The following VCAM1 variants were observed in gnomAD, a reference collection of about 807,000 sequenced individuals.
VCAM1 encodes the protein vascular cell adhesion protein 1.
VCAM1 carries 41 observed loss-of-function variants against 63.8 expected under a neutral mutation model. That is an observed-to-expected ratio of 0.64 (90% CI 0.50 to 0.83). VCAM1 has a LOEUF of 0.83. Among genes scored for constraint, VCAM1 ranks in the 40% least tolerant of loss-of-function variants. VCAM1 has a pLI of 0.00. For synonymous variants in VCAM1, 338 were observed against 320.7 expected (o/e 1.05, Z -0.58); for missense variants, 798 against 875.5 (o/e 0.91, Z 1.12).
chr1:100,728,837 CT>C (rs1660276798), intron 4 of VCAM1, among the ~76,000 whole-genome samples: 1 of 151,752 alleles, frequency 6.6e-6, no homozygotes, highest in Non-Finnish European at 1.5e-5. Flanking sequence ...AGCAGATACT[CT>C]ATTATTGCTG....
rs1660587685 is a variant in VCAM1, at chr1:100,734,684, C to G, written c.1975C>G (p.Gln659Glu). 3 of 1,613,816 alleles carry G rather than the reference C, an allele frequency of 1.9e-6. No homozygotes were observed. The highest frequency in any genetic ancestry group is 1.7e-5 in the Admixed American group (1 of 59,970). Residue 659 changes from glutamine (Q) to glutamate (E), a missense_variant, in exon 8 of 9, where the codon CAG (glutamine) becomes GAG (glutamate). Transcript: ENST00000294728. Reference protein sequence around the residue: ...IDGAYTIRKAQLKDAGVYECE... With the variant: ...IDGAYTIRKAELKDAGVYECE... ...TGGCGCCTATACCATCCGAAAGGCC[C>G]AGTTGAAGGATGCGGGAGTATATGA...
At chr1:100,725,401 T>A (rs959763515) in intron 4 of VCAM1, among the ~76,000 whole-genome samples, 4 of 152,028 alleles carry the variant, frequency 2.6e-5, no homozygotes, top group Non-Finnish European at 5.9e-5. Flanking sequence ...TATTCTTACA[T>A]AACAGCATTC....
At position 100,731,199 on chromosome 1, in the gene VCAM1, A is replaced by T. The variant is rs763958436; in HGVS notation, c.1206A>T (p.Ser402=). ...LEKGIQVELY[S]FPRDPEIEMS... is the part of the protein sequence containing the mutation. ...ATCGTTTTTGCTTGCGATTTGCAGC[A>T]TTCCCTAGAGATCCAGAAATCGAGA... The change falls in exon 6 of 9, where the codon TCA becomes TCT. Residue 402 remains serine (S), a splice_region_variant and synonymous_variant. Transcript: ENST00000294728. The surrounding 1 kb of genome is among the most constrained non-coding windows in gnomAD (Gnocchi z 4.2). 7.5e-6 allele frequency: 12 copies of T among 1,592,472 alleles called. No individual in the cohort carries two copies. The highest frequency in any genetic ancestry group is 1.0e-5 in the Non-Finnish European group (12 of 1,170,542).
intron 4 of VCAM1, among the ~76,000 whole-genome samples, chr1:100,726,616 T>C (rs3917037): frequency 0.031 from 4,688 of 152,160 alleles, 237 homozygotes; most frequent in African/African-American, 0.11. Context: ...ATATTCTTTC[T>C]TTCGTGTACA....
chr1:100,729,651 C>T (rs559886470), intron 5 of VCAM1, among the ~76,000 whole-genome samples: 4 of 152,186 alleles, frequency 2.6e-5, no homozygotes, highest in African/African-American at 9.6e-5. Context: ...ACACTCCATG[C>T]TGGAGGTGAG....
chr1:100,725,118 C>CT (rs1034067353), intron 4 of VCAM1, among the ~76,000 whole-genome samples: 12 of 152,044 alleles, frequency 7.9e-5, no homozygotes, highest in Non-Finnish European at 1.3e-4. Context: ...TCTCATATCA[C>CT]TTTTTCTCTG....
chr1:100,720,617 G>C lies in VCAM1; in HGVS notation c.206G>C (p.Gly69Ala). ...WRTQIDSPLN[G>A]KVTNEGTTST... ...ACCCAGATAGATAGTCCACTGAATG[G>C]GAAGGTGACGAATGAGGGGACCACA... The change falls in exon 2 of 9, where the codon GGG becomes GCG. Residue 69 changes from glycine (G) to alanine (A), a missense_variant. Transcript: ENST00000294728. 1 of 1,613,212 alleles carries C rather than the reference G, an allele frequency of 6.2e-7. No individual in the cohort carries two copies. The highest frequency in any genetic ancestry group is 8.5e-7 in the Non-Finnish European group (1 of 1,179,534).
intron 3 of VCAM1, 80 bp downstream of exon 3, chr1:100,723,420 T>C (rs1444225212): frequency 8.9e-7 from 1 of 1,122,992 alleles, no homozygotes. Flanking sequence ...AGCAGAAAAG[T>C]AAAAAAAAAA....
rs1571463508 is a variant in VCAM1, at chr1:100,736,690, A to C, written c.2060-1433A>C. On this transcript the variant is annotated intron_variant, in intron 8 of 8. Coordinates refer to ENST00000294728, the MANE Select transcript of VCAM1 (RefSeq NM_001078.4). Reference sequence around the variant, plus strand: ...AATCATGTTGATGGACATCCCATTCAAATATTACCTTTATACTTTGACTAG... The same window carrying C: ...AATCATGTTGATGGACATCCCATTCCAATATTACCTTTATACTTTGACTAG... The C allele has an allele frequency of 2.6e-5, 4 of 152,266 alleles. No individual in the cohort carries two copies. The South Asian group carries it at 8.3e-4, about 32-fold the overall frequency. 9.4% of individuals were successfully genotyped at this position (152,266 alleles called of 1,614,324 possible). A position where few individuals can be genotyped will look rare whatever the true frequency, so the allele number is the denominator to read the frequency against.
At chr1:100,724,916 A>G in intron 4 of VCAM1, 26 bp downstream of exon 4, 2 of 1,606,822 alleles carry the variant, frequency 1.2e-6, no homozygotes. Context: ...AAAAGGAATG[A>G]TAAAGGTGCT....
chr1:100,723,315 G>C lies in VCAM1; in HGVS notation c.636G>C (p.Gln212His). Residue 212 changes from glutamine to histidine, a missense_variant, in exon 3 of 9, where the codon CAG (glutamine) becomes CAC (histidine). Physicochemically the swap from Gln to His is conservative, Grantham distance 24 (BLOSUM62 0). Transcript: ENST00000294728. ...DEMDSVPTVR[Q>H]AVKELQVYIS... ...TGGATTCTGTGCCCACAGTAAGGCAGGCTGTAAAAGAATTGCAAGTCTACA... is the reference window on the plus strand; with the variant it reads ...TGGATTCTGTGCCCACAGTAAGGCACGCTGTAAAAGAATTGCAAGTCTACA... 1 of 1,612,538 alleles carries C rather than the reference G, an allele frequency of 6.2e-7. No homozygotes were observed. The highest frequency in any genetic ancestry group is 8.5e-7 in the Non-Finnish European group (1 of 1,179,016).
Position 100,719,874 on chromosome 1 carries a change from T to A in VCAM1, c.14T>A (p.Met5Lys). ...CAGCAACTTAAAATGCCTGGGAAGATGGTCGTGATCCTTGGAGCCTCAAAT... is the reference window on the plus strand; with the variant it reads ...CAGCAACTTAAAATGCCTGGGAAGAAGGTCGTGATCCTTGGAGCCTCAAAT... Reference protein sequence around the residue: MPGKMVVILGASNIL... With the variant: MPGKKVVILGASNIL... Residue 5 changes from methionine to lysine, a missense_variant, in exon 1 of 9, where the codon ATG becomes AAG. Met to Lys is a moderately conservative substitution (Grantham distance 95). Transcript: ENST00000294728. The A allele has an allele frequency of 6.2e-7, 1 of 1,611,660 alleles. No individual in the cohort carries two copies. Among genetic ancestry groups the A allele is most frequent in the Non-Finnish European group, 8.5e-7 (1 of 1,178,370 alleles).
intron 7 of VCAM1, 40 bp from the exon 8 acceptor site, chr1:100,734,462 T>C (rs1660579657): frequency 6.3e-7 from 1 of 1,581,768 alleles, no homozygotes; most frequent in African/African-American, 1.4e-5. Flanking sequence ...TTGGTTTATA[T>C]TTCACTCAAT....
chr1:100,730,346 G>C (rs3917056), intron 5 of VCAM1, among the ~76,000 whole-genome samples: 3,577 of 152,018 alleles, frequency 0.024, 146 homozygotes, highest in African/African-American at 0.082. Flanking sequence ...CCAGCAGTGG[G>C]GTCTTATTGC....
chr1:100,732,090 C>T (rs1571460520), intron 6 of VCAM1, among the ~76,000 whole-genome samples: 2 of 152,164 alleles, frequency 1.3e-5, no homozygotes, highest in Non-Finnish European at 2.9e-5. Flanking sequence ...CACATCTTTT[C>T]ACAGAAGGAG....
At chr1:100,722,469 G>T (rs776790891) in intron 2 of VCAM1, among the ~76,000 whole-genome samples, 5 of 152,062 alleles carry the variant, frequency 3.3e-5, no homozygotes, top group Admixed American at 2.0e-4. Context: ...GTCATTATCT[G>T]TAAAATGGAA....
rs746723280 is a variant in VCAM1 at position 100,724,830 on chromosome 1, G to A, written c.868G>A (p.Val290Met). The A allele has an allele frequency of 1.6e-5, 26 of 1,612,964 alleles. No homozygotes were observed. Among genetic ancestry groups the A allele is most frequent in the Admixed American group, 3.3e-5 (2 of 59,864 alleles). ...AMRMEDSGIY[V>M]CEGVNLIGKN... is the part of the protein sequence containing the mutation. ...GAGGATGGAAGATTCTGGAATTTAT[G>A]TGTGTGAAGGAGTTAATTTGATTGG... Residue 290 changes from valine (V) to methionine (M), a missense_variant, in exon 4 of 9, where the codon GTG becomes ATG. By Grantham distance (21) the Val-to-Met change is conservative (BLOSUM62 1). Coordinates refer to ENST00000294728, the MANE Select transcript of VCAM1 (RefSeq NM_001078.4).
intron 4 of VCAM1, 121 bp from the exon 5 acceptor site, chr1:100,728,986 C>A (rs1053748050): frequency 4.1e-6 from 5 of 1,205,256 alleles, no homozygotes; most frequent in South Asian, 2.7e-5. Context: ...AGAGTAATTT[C>A]TTCTTGGCAT....
chr1:100,727,844 A>T (rs566824914), intron 4 of VCAM1, among the ~76,000 whole-genome samples: 31 of 152,254 alleles, frequency 2.0e-4, no homozygotes, highest in Middle Eastern at 6.8e-3. Flanking sequence ...ATTGAGGAGA[A>T]TCTTCTTCAG....
Sources: allele counts gnomAD v4.1 joint callset (sites outside exome capture counted in the v4.1 genomes callset), GRCh38; gene constraint gnomAD v4.1.1; non-coding constraint Gnocchi (gnomAD v3.1); transcripts MANE v1.5; gene names NCBI Gene and HGNC (gene_info 2026-07-23, HGNC 2026-07-21).